SORCS1: variants seen among roughly 807,000 people sequenced by gnomAD.
SORCS1 encodes the protein sortilin related VPS10 domain containing receptor 1.
A neutral mutation model predicts 146.1 loss-of-function variants in SORCS1; 60 were observed. The observed-to-expected ratio is 0.41, with a 90% CI of 0.33 to 0.51. SORCS1 has a LOEUF of 0.51. Ranked by LOEUF, SORCS1 falls within the 20% of genes least tolerant of loss-of-function variation. The probability of loss-of-function intolerance (pLI) is 0.21; values close to 1 mark genes in which losing one functional copy is unlikely to be tolerated. For synonymous variants in SORCS1, 637 were observed against 584.0 expected, an observed-to-expected ratio of 1.09 and a Z score of -1.31; for missense variants, 1,352 against 1,487.6, an observed-to-expected ratio of 0.91 and a Z score of 1.50.
intron 1 of SORCS1, among the ~76,000 whole-genome samples, chr10:107,065,272 T>A (rs1961638142): frequency 6.6e-6 from 1 of 152,062 alleles, no homozygotes; most frequent in Admixed American, 6.6e-5. Context: ...CTAAGCGAGC[T>A]TTGCACACAC....
intron 2 of SORCS1, among the ~76,000 whole-genome samples, chr10:106,848,144 G>A (rs200813025): frequency 2.2e-5 from 2 of 89,710 alleles, no homozygotes; most frequent in African/African-American, 8.4e-5. Context: ...TATCCTTGTT[G>A]ACTTTCTGTC....
At chr10:107,014,193 G>A (rs35786726) in intron 1 of SORCS1, among the ~76,000 whole-genome samples, 1,848 of 150,612 alleles carry the variant, frequency 0.012, 21 homozygotes, top group Middle Eastern at 0.024. Context: ...CAGAGGTTGC[G>A]GTGAGCCAAG....
chr10:106,697,570 G>A (rs552755578), intron 9 of SORCS1, among the ~76,000 whole-genome samples: 1 of 151,822 alleles, frequency 6.6e-6, no homozygotes, highest in South Asian at 2.1e-4. Context: ...AATGTTTTGG[G>A]CATTTACACA....
At chr10:106,792,558 C>G (rs2136532759) in intron 3 of SORCS1, among the ~76,000 whole-genome samples, 1 of 152,282 alleles carries the variant, frequency 6.6e-6, no homozygotes, top group East Asian at 1.9e-4. Flanking sequence ...AAGATTATTC[C>G]AGAGCATCCT....
chr10:106,799,685 C>T (rs1946767954), intron 3 of SORCS1, among the ~76,000 whole-genome samples: 1 of 152,150 alleles, frequency 6.6e-6, no homozygotes, highest in South Asian at 2.1e-4. Context: ...AATGAGTAAC[C>T]GTCTCACACC....
At chr10:106,676,969 C>T (rs1346967122) in intron 13 of SORCS1, among the ~76,000 whole-genome samples, 3 of 152,140 alleles carry the variant, frequency 2.0e-5, no homozygotes, top group African/African-American at 7.2e-5. Context: ...TCCTCTTCCT[C>T]ACCTCCTCTT....
intron 1 of SORCS1, among the ~76,000 whole-genome samples, chr10:106,968,924 T>C (rs111864963): frequency 1.1e-3 from 161 of 152,324 alleles, no homozygotes; most frequent in African/African-American, 3.4e-3. Context: ...TAAGAAATTA[T>C]AGTCAATCAA....
chr10:106,938,493 A>C (rs1446879540), intron 2 of SORCS1, among the ~76,000 whole-genome samples: 1 of 152,212 alleles, frequency 6.6e-6, no homozygotes, highest in African/African-American at 2.4e-5. Context: ...AGCTAAGCTA[A>C]TCAGGACGAC....
chr10:106,794,939 C>T (rs1946481045), intron 3 of SORCS1, among the ~76,000 whole-genome samples: 1 of 152,164 alleles, frequency 6.6e-6, no homozygotes, highest in South Asian at 2.1e-4. Context: ...ATAAACTTAA[C>T]CAGGGGTCCC....
At chr10:107,090,192 G>A (rs763737512) in intron 1 of SORCS1, among the ~76,000 whole-genome samples, 11 of 152,154 alleles carry the variant, frequency 7.2e-5, no homozygotes, top group Non-Finnish European at 1.2e-4. Flanking sequence ...GGAACACTGC[G>A]AGCACTTTCC....
At chr10:106,782,077 G>A (rs746518364) in intron 3 of SORCS1, among the ~76,000 whole-genome samples, 17 of 151,996 alleles carry the variant, frequency 1.1e-4, no homozygotes, top group Non-Finnish European at 2.1e-4. Context: ...ACAAAATCGC[G>A]TCATTCAATA....
chr10:106,870,003 A>T (rs563484742), intron 2 of SORCS1, among the ~76,000 whole-genome samples: 1 of 152,164 alleles, frequency 6.6e-6, no homozygotes, highest in Non-Finnish European at 1.5e-5. Context: ...GTTTCAGGAT[A>T]CAAAATCAAT....
At chr10:107,175,561 G>A in the SORCS1 span, among the ~76,000 whole-genome samples, 18 of 152,062 alleles carry the variant, frequency 1.2e-4, no homozygotes, top group African/African-American at 2.9e-4. Flanking sequence ...TCAGCTTCCC[G>A]AGTAGCTGGG....
chr10:106,920,428 T>A (rs150848662), intron 2 of SORCS1, among the ~76,000 whole-genome samples: 3 of 152,166 alleles, frequency 2.0e-5, no homozygotes, highest in Non-Finnish European at 1.5e-5. Flanking sequence ...ATGGTCTTAA[T>A]TTCTGTAAAT....
chr10:107,005,080 C>A (rs555789278), intron 1 of SORCS1, among the ~76,000 whole-genome samples: 1 of 152,288 alleles, frequency 6.6e-6, no homozygotes, highest in Non-Finnish European at 1.5e-5. Context: ...ATTCCAGCTA[C>A]AGCAATCAAC....
chr10:107,168,613 A>G (rs2134979288), upstream of SORCS1, among the ~76,000 whole-genome samples: 1 of 150,646 alleles, frequency 6.6e-6, no homozygotes, highest in East Asian at 2.0e-4. Context: ...TAAATCAGAT[A>G]TATACTCTAT....
At chr10:107,175,347 G>A in the SORCS1 span, among the ~76,000 whole-genome samples, 1 of 152,082 alleles carries the variant, frequency 6.6e-6, no homozygotes, top group Non-Finnish European at 1.5e-5. Flanking sequence ...TTCCTTATTT[G>A]TTTGAATGAA....
intron 5 of SORCS1, among the ~76,000 whole-genome samples, chr10:106,760,441 T>TGA (rs1199334063): frequency 2.8e-5 from 1 of 36,148 alleles, no homozygotes; most frequent in Non-Finnish European, 5.8e-5. Flanking sequence ...AGACTCCGTC[T>TGA]CAAAAAAAAA....
intron 17 of SORCS1, among the ~76,000 whole-genome samples, chr10:106,664,520 T>C (rs1160860943): frequency 6.6e-6 from 1 of 152,080 alleles, no homozygotes; most frequent in African/African-American, 2.4e-5. Context: ...CGGGTGCCTG[T>C]AGTCCCAGCT....
Sources: allele counts gnomAD v4.1 joint callset (sites outside exome capture counted in the v4.1 genomes callset), GRCh38; gene constraint gnomAD v4.1.1; transcripts MANE v1.5; gene names NCBI Gene and HGNC (gene_info 2026-07-23, HGNC 2026-07-21).